The following RARS2 variants were observed in gnomAD, a reference collection of about 807,000 sequenced individuals.
RARS2 encodes probable arginine--tRNA ligase, mitochondrial.
In RARS2, 67 loss-of-function variants were observed where a neutral mutation model predicts 88.5. The observed-to-expected ratio is 0.76, with a 90% confidence interval of 0.62 to 0.93. RARS2 has a LOEUF of 0.93. Among genes scored for constraint, RARS2 ranks in the 40% least tolerant of loss-of-function variants. The pLI is 0.00. For synonymous variants in RARS2, 239 were observed against 230.3 expected, an observed-to-expected ratio of 1.04 and a Z score of -0.34; for missense variants, 664 against 684.2, an observed-to-expected ratio of 0.97 and a Z score of 0.33.
chr6:87,569,315 AT>A (rs1670301621), intron 2 of RARS2, among the ~76,000 whole-genome samples: 1 of 152,214 alleles, frequency 6.6e-6, no homozygotes, highest in African/African-American at 2.4e-5. Context: ...ACAATCTGCC[AT>A]ATCAGAGTAT....
At chr6:87,518,329 C>G in intron 16 of RARS2, 65 bp from the exon 17 acceptor site, 2 of 1,610,886 alleles carry the variant, frequency 1.2e-6, no homozygotes, top group Admixed American at 3.3e-5. Flanking sequence ...CACAGAGCTG[C>G]AAGTGATGAA....
rs767720724 is a variant in RARS2 at position 87,589,954 on chromosome 6, C to G, written c.4G>C (p.Ala2Pro). M[A>P]CGFRRAIACQ... ...GCAATAGCGCGGCGAAAGCCGCACGCCATGTCCACCTCTACGGAAGTGCGC... is the reference window on the plus strand; with the variant it reads ...GCAATAGCGCGGCGAAAGCCGCACGGCATGTCCACCTCTACGGAAGTGCGC... Residue 2 changes from alanine (A) to proline (P), a missense_variant, in exon 1 of 20, where the codon GCG becomes CCG. By Grantham distance (27) the Ala-to-Pro change is conservative (BLOSUM62 -1). Transcript: ENST00000369536. 2.5e-6 allele frequency: 4 copies of G among 1,614,248 alleles called. No homozygotes were observed. Among genetic ancestry groups the G allele is most frequent in the South Asian group, 1.1e-5 (1 of 91,090 alleles).
chr6:87,524,938 G>C (rs976423993), intron 10 of RARS2, among the ~76,000 whole-genome samples: 3 of 152,264 alleles, frequency 2.0e-5, no homozygotes, highest in East Asian at 1.9e-4. Context: ...TGAAAAATGA[G>C]ATGCAGCTGC....
chr6:87,544,524 G>C (rs999308637), intron 7 of RARS2, among the ~76,000 whole-genome samples: 1 of 152,328 alleles, frequency 6.6e-6, no homozygotes, highest in East Asian at 1.9e-4. Flanking sequence ...GAGAAGATGG[G>C]CAAGGGTGTG....
intron 2 of RARS2, chr6:87,564,696 A>G: frequency 4.0e-6 from 1 of 248,212 alleles, no homozygotes. Flanking sequence ...TAAAATAAAT[A>G]AATAAAAAAC....
At chr6:87,519,747 G>T (rs761095437) in intron 13 of RARS2, 40 bp from the exon 14 acceptor site, 4 of 1,613,124 alleles carry the variant, frequency 2.5e-6, no homozygotes, top group South Asian at 2.2e-5. Flanking sequence ...AGCTAAACAA[G>T]AGCTGCTGCT....
At chr6:87,530,112 A>T (rs1333424928) in intron 9 of RARS2, among the ~76,000 whole-genome samples, 3 of 152,178 alleles carry the variant, frequency 2.0e-5, no homozygotes, top group Admixed American at 1.3e-4. Context: ...TGGCTACTTA[A>T]GGAGACGGCC....
chr6:87,586,972 A>G (rs1033354688), intron 1 of RARS2, among the ~76,000 whole-genome samples: 7 of 151,888 alleles, frequency 4.6e-5, no homozygotes, highest in African/African-American at 1.2e-4. Flanking sequence ...TCAGTGGCAC[A>G]ATCTTGGCTC....
At chr6:87,526,285 G>A (rs1360197575) in intron 10 of RARS2, among the ~76,000 whole-genome samples, 1 of 152,208 alleles carries the variant, frequency 6.6e-6, no homozygotes, top group East Asian at 1.9e-4. Context: ...GGGGGCCAAG[G>A]CAAGTGGATC....
chr6:87,532,051 G>A (rs769331388), intron 8 of RARS2, among the ~76,000 whole-genome samples: 4 of 152,080 alleles, frequency 2.6e-5, no homozygotes, highest in Non-Finnish European at 5.9e-5. Context: ...TTTTATTGCT[G>A]GAGGACACAT....
At chr6:87,521,683 T>C (rs1365841608) in intron 11 of RARS2, among the ~76,000 whole-genome samples, 159 bp from the exon 12 acceptor site, 1 of 152,100 alleles carries the variant, frequency 6.6e-6, no homozygotes, top group East Asian at 1.9e-4. Flanking sequence ...ATATCATGTT[T>C]TGATATAAAA....
In RARS2 at chr6:87,525,726, TAGTAGAGAC is replaced by T. The variant is rs549576369; in HGVS notation, c.879-1083_879-1075del. ...CACGTCCAGTTAATTTTTGTGTTTTTAGTAGAGACAGGTTTTCACTATGTTGGCCAGGCT... is the reference window on the plus strand; with the variant it reads ...CACGTCCAGTTAATTTTTGTGTTTTTAGGTTTTCACTATGTTGGCCAGGCT... On this transcript the variant is annotated intron_variant, in intron 10 of 19. Coordinates refer to ENST00000369536, the MANE Select transcript of RARS2 (RefSeq NM_020320.5). 7.0e-4 allele frequency among the ~76,000 whole-genome samples: 107 copies of T among 152,194 alleles called. No individual in the cohort carries two copies. In the South Asian group the frequency reaches 0.021, roughly 30 times the overall value.
chr6:87,564,423 G>A, intron 2 of RARS2, 191 bp from the exon 3 acceptor site: 1 of 567,500 alleles, frequency 1.8e-6, no homozygotes, highest in East Asian at 3.2e-5. Flanking sequence ...ACTTTGGGAG[G>A]CTAAGGCAGG....
intron 8 of RARS2, among the ~76,000 whole-genome samples, chr6:87,534,079 C>G (rs906489966): frequency 6.7e-6 from 1 of 148,682 alleles, no homozygotes; most frequent in Non-Finnish European, 1.5e-5. Flanking sequence ...ATAATTTGAA[C>G]AACTTCATTA....
chr6:87,558,828 A>G (rs1786885270), intron 4 of RARS2, among the ~76,000 whole-genome samples: 1 of 152,258 alleles, frequency 6.6e-6, no homozygotes, highest in African/African-American at 2.4e-5. Context: ...TCATAATTTT[A>G]AAGTGTACTC....
intron 8 of RARS2, among the ~76,000 whole-genome samples, chr6:87,533,413 T>A (rs1239014193): frequency 6.6e-6 from 1 of 152,178 alleles, no homozygotes; most frequent in African/African-American, 2.4e-5. Context: ...ATGCACAATA[T>A]AAAACTAAAC....
rs768346093 is a variant in RARS2, at chr6:87,553,215, GGA to G, written c.395+2191_395+2192del. Among the ~76,000 whole-genome samples, 53 of 151,882 alleles carry G rather than the reference GGA, an allele frequency of 3.5e-4. 1 individual carries two copies. The highest frequency in any genetic ancestry group is 1.9e-4 in the East Asian group (1 of 5,192). The stretch of plus-strand genomic sequence containing the variant: ...ACCCTGCGGGAGAGACAATGTGGTG[GGA>G]GAGAGAGAGATGCCTGGCTAGAGAA... On this transcript the variant is annotated intron_variant, in intron 5 of 19. Coordinates refer to ENST00000369536, the MANE Select transcript of RARS2 (RefSeq NM_020320.5).
At position 87,545,720 on chromosome 6, in the gene RARS2, T is replaced by C. The variant is rs4707374; in HGVS notation, c.452-21A>G. 890,413 of 1,607,206 alleles carry C rather than the reference T, an allele frequency of 0.55. 250,242 individuals are homozygous for C. The highest frequency in any genetic ancestry group is 0.75 in the African/African-American group (56,461 of 74,826). On this transcript the variant is annotated intron_variant, in intron 6 of 19. Transcript: ENST00000369536. ...ATTTCCTAGTAATCAATAAAGTATA[T>C]AGTTTCTCATTCTTGTTATCCATTT...
At chr6:87,575,225 G>GCA (rs58168335) in intron 1 of RARS2, among the ~76,000 whole-genome samples, 17,035 of 114,334 alleles carry the variant, frequency 0.15, 1,411 homozygotes, top group East Asian at 0.2. Flanking sequence ...AAAATAGAAA[G>GCA]CACACACACA....
Sources: allele counts gnomAD v4.1 joint callset (sites outside exome capture counted in the v4.1 genomes callset), GRCh38; gene constraint gnomAD v4.1.1; transcripts MANE v1.5; gene names NCBI Gene and HGNC (gene_info 2026-07-23, HGNC 2026-07-21).